MAST2: variants seen among roughly 807,000 people sequenced by gnomAD.
The protein encoded by MAST2 is microtubule associated serine/threonine kinase 2.
Under a neutral mutation model 147.4 loss-of-function variants are expected in MAST2, and 70 were observed. The observed-to-expected ratio is 0.47, with a 90% CI of 0.39 to 0.58. The LOEUF (loss-of-function observed/expected upper bound fraction) is 0.58, where lower values mean the gene tolerates loss of function less well. Ranked by LOEUF, MAST2 falls within the 20% of genes least tolerant of loss-of-function variation. The pLI is 0.00. For missense variants in MAST2, 2,080 were observed against 2,302.3 expected, an observed-to-expected ratio of 0.90 and a Z score of 1.98; for synonymous variants, 869 against 896.8, an observed-to-expected ratio of 0.97 and a Z score of 0.55.
intron 4 of MAST2, among the ~76,000 whole-genome samples, chr1:45,935,544 T>G (rs1332815931): frequency 6.6e-6 from 1 of 152,222 alleles, no homozygotes; most frequent in Admixed American, 6.5e-5. Context: ...TGTAAGCCTT[T>G]GATCATCTTG....
intron 5 of MAST2, among the ~76,000 whole-genome samples, chr1:45,980,337 T>G (rs1296202005): frequency 6.9e-6 from 1 of 144,722 alleles, no homozygotes; most frequent in Non-Finnish European, 1.5e-5. Flanking sequence ...GGGGCAAGAG[T>G]TGAAAAAGTA....
intron 11 of MAST2, among the ~76,000 whole-genome samples, chr1:46,020,467 A>G (rs1449638158): frequency 6.6e-6 from 1 of 152,162 alleles, no homozygotes; most frequent in Non-Finnish European, 1.5e-5. Flanking sequence ...CCTTACGGCC[A>G]CTTGGAGACA....
At chr1:45,883,919 C>CCCCCCCA (rs1196489249) in intron 4 of MAST2, among the ~76,000 whole-genome samples, 1 of 76,568 alleles carries the variant, frequency 1.3e-5, no homozygotes, top group African/African-American at 4.5e-5. Context: ...TCTGCCCCCC[C>CCCCCCCA]CGCTTTTTTT....
At chr1:45,878,385 A>G (rs1452327417) in intron 3 of MAST2, among the ~76,000 whole-genome samples, 1 of 152,166 alleles carries the variant, frequency 6.6e-6, no homozygotes, top group Non-Finnish European at 1.5e-5. Flanking sequence ...CTATGAACAA[A>G]TTAGGAATAG....
At chr1:45,806,047 T>G (rs933069800) in intron 1 of MAST2, among the ~76,000 whole-genome samples, 1 of 152,208 alleles carries the variant, frequency 6.6e-6, no homozygotes, top group African/African-American at 2.4e-5. Context: ...ACTTTTTTAT[T>G]GAGGTTTGAC....
intron 4 of MAST2, among the ~76,000 whole-genome samples, chr1:45,941,027 T>C (rs1348899766): frequency 6.6e-6 from 1 of 152,158 alleles, no homozygotes; most frequent in East Asian, 1.9e-4. Context: ...TGAATGACAG[T>C]GGTAGATAAA....
In MAST2 at chr1:45,872,345, G is replaced by C. The variant is rs377191868; in HGVS notation, c.469-10019G>C. On this transcript the variant is annotated intron_variant, in intron 3 of 28. Coordinates refer to ENST00000361297, the MANE Select transcript of MAST2 (RefSeq NM_015112.3). ...ACTCCTGGCTTGCATATTTACTTGT[G>C]GGGGTAGCGGTTACTGCCTTTGGAC... Among the ~76,000 whole-genome samples the C allele has an allele frequency of 2.0e-5, 3 of 152,258 alleles. No individual in the cohort carries two copies. The East Asian group carries it at 5.8e-4, about 29-fold the overall frequency.
intron 3 of MAST2, among the ~76,000 whole-genome samples, chr1:45,874,550 A>G (rs1326932614): frequency 6.6e-6 from 1 of 152,234 alleles, no homozygotes; most frequent in East Asian, 1.9e-4. Context: ...GTTTTCATCA[A>G]TGCAACTCCA....
intron 3 of MAST2, among the ~76,000 whole-genome samples, chr1:45,855,076 T>C (rs190465914): frequency 1.2e-4 from 19 of 152,286 alleles, no homozygotes; most frequent in Admixed American, 4.6e-4. Context: ...CTTTATCACA[T>C]AGGCATGATC....
At chr1:45,859,988 C>T (rs150312275) in intron 3 of MAST2, among the ~76,000 whole-genome samples, 51 of 152,170 alleles carry the variant, frequency 3.4e-4, no homozygotes, top group East Asian at 1.7e-3. Flanking sequence ...GAGCAGGTTA[C>T]GTCTCCTTCC....
chr1:45,933,065 A>T (rs1182482983), intron 4 of MAST2, among the ~76,000 whole-genome samples: 1 of 68,544 alleles, frequency 1.5e-5, no homozygotes, highest in South Asian at 5.7e-4. Context: ...CATTTCTTTA[A>T]AAAAAAAAAA....
intron 4 of MAST2, among the ~76,000 whole-genome samples, chr1:45,926,754 T>TTG (rs1654435760): frequency 6.6e-6 from 1 of 152,120 alleles, no homozygotes; most frequent in African/African-American, 2.4e-5. Context: ...GATTTTTTTT[T>TTG]TTTGTTTTTT....
intron 5 of MAST2, among the ~76,000 whole-genome samples, chr1:45,980,297 A>AAAAG (rs1553251885): frequency 6.9e-6 from 1 of 144,826 alleles, no homozygotes; most frequent in African/African-American, 2.5e-5. Flanking sequence ...AAAAAAAAAA[A>AAAAG]GGCAACAAAA....
chr1:45,888,583 C>G (rs183200582), intron 4 of MAST2, among the ~76,000 whole-genome samples: 100 of 148,922 alleles, frequency 6.7e-4, no homozygotes, highest in African/African-American at 1.5e-3. Flanking sequence ...AGTATGGTCT[C>G]GATCTGCTGA....
intron 3 of MAST2, among the ~76,000 whole-genome samples, chr1:45,835,708 T>C (rs753446465): frequency 3.3e-5 from 5 of 152,092 alleles, no homozygotes; most frequent in African/African-American, 4.8e-5. Flanking sequence ...TTAAGACATG[T>C]TCACCACCAT....
chr1:46,031,343 G>C lies in MAST2; in HGVS notation c.2993-48G>C. 1 of 1,576,756 alleles carries C rather than the reference G, an allele frequency of 6.3e-7. No homozygotes were observed. Among genetic ancestry groups the C allele is most frequent in the Non-Finnish European group, 8.6e-7 (1 of 1,157,580 alleles). On this transcript the variant is annotated intron_variant, in intron 23 of 28. Coordinates refer to ENST00000361297, the MANE Select transcript of MAST2 (RefSeq NM_015112.3). The surrounding 1 kb of genome is among the most constrained non-coding windows in gnomAD (Gnocchi z 4.1). The stretch of plus-strand genomic sequence containing the variant: ...CTAAGCTGGAGGATACTGCAGGGCA[G>C]GGAGGCTCAGCGGCATCGCGGGTCT...
chr1:45,853,145 G>T (rs1645676171), intron 3 of MAST2, among the ~76,000 whole-genome samples: 1 of 151,948 alleles, frequency 6.6e-6, no homozygotes, highest in African/African-American at 2.4e-5. Context: ...GGTCAGGCTG[G>T]TCTCGAACTC....
chr1:45,835,048 G>T (rs1054060438), intron 3 of MAST2, among the ~76,000 whole-genome samples: 2 of 151,708 alleles, frequency 1.3e-5, no homozygotes, highest in African/African-American at 4.8e-5. Flanking sequence ...AATCTAAAAA[G>T]CCATGTATTG....
chr1:45,872,182 C>T (rs964344320), intron 3 of MAST2, among the ~76,000 whole-genome samples: 15 of 152,146 alleles, frequency 9.9e-5, no homozygotes, highest in Admixed American at 6.5e-5. Flanking sequence ...GATCAATATA[C>T]GTATAGTGTG....
Sources: gnomAD v4.1 joint callset for allele counts (sites outside exome capture counted in the v4.1 genomes callset) on GRCh38, gnomAD v4.1.1 for gene constraint, Gnocchi (gnomAD v3.1) non-coding constraint, MANE v1.5 for transcripts, NCBI Gene and HGNC (gene_info 2026-07-23, HGNC 2026-07-21) for gene names.